CDH20: variants seen among roughly 807,000 people sequenced by gnomAD.
The protein encoded by CDH20 is cadherin 20.
Under a neutral mutation model 74.2 loss-of-function variants are expected in CDH20, and 29 were observed. The observed-to-expected ratio is 0.39, with a 90% CI of 0.29 to 0.53. The LOEUF is 0.53. Ranked by LOEUF, CDH20 falls within the 20% of genes least tolerant of loss-of-function variation. The pLI is 0.69. For synonymous variants in CDH20, 469 were observed against 405.4 expected, an observed-to-expected ratio of 1.16 and a Z score of -1.88; for missense variants, 988 against 1,048.3, an observed-to-expected ratio of 0.94 and a Z score of 0.79.
chr18:61,542,165 T>C (rs1913064768), intron 9 of CDH20, among the ~76,000 whole-genome samples: 1 of 152,208 alleles, frequency 6.6e-6, no homozygotes, highest in Admixed American at 6.5e-5. Context: ...TCTCTATGTG[T>C]TTGGCACTAC....
intron 1 of CDH20, among the ~76,000 whole-genome samples, chr18:61,413,327 A>G (rs184383582): frequency 7.6e-6 from 1 of 132,444 alleles, no homozygotes; most frequent in Admixed American, 8.3e-5. Flanking sequence ...TGGCCTTGGA[A>G]TGCAATCATT....
intron 10 of CDH20, 82 bp downstream of exon 10, chr18:61,545,226 G>T (rs1173397680): frequency 2.3e-6 from 2 of 854,680 alleles, no homozygotes; most frequent in Non-Finnish European, 4.1e-6. Flanking sequence ...TGCAAACAGT[G>T]TCAAAGGCTA....
chr18:61,537,359 C>T (rs749179485), intron 8 of CDH20, among the ~76,000 whole-genome samples: 1 of 151,874 alleles, frequency 6.6e-6, no homozygotes, highest in Non-Finnish European at 1.5e-5. Flanking sequence ...TTACAGATAT[C>T]AACAAAGATT....
intron 11 of CDH20, among the ~76,000 whole-genome samples, chr18:61,550,444 A>C (rs1379302561): frequency 6.6e-6 from 1 of 152,246 alleles, no homozygotes; most frequent in South Asian, 2.1e-4. Flanking sequence ...ATATACTTAT[A>C]AAGTATCTAC....
At chr18:61,552,761 T>C (rs1474816698) in intron 11 of CDH20, among the ~76,000 whole-genome samples, 2 of 152,236 alleles carry the variant, frequency 1.3e-5, no homozygotes, top group African/African-American at 2.4e-5. Context: ...TGTTTCCCCA[T>C]TGCTTAGCAT....
At chr18:61,469,401 ACACC>A (rs1181422609) in intron 1 of CDH20, among the ~76,000 whole-genome samples, 2 of 143,330 alleles carry the variant, frequency 1.4e-5, no homozygotes, top group East Asian at 2.1e-4. Context: ...ACACACACAC[ACACC>A]CCTATATAAA....
At chr18:61,404,332 T>C (rs896508438) in intron 1 of CDH20, among the ~76,000 whole-genome samples, 3 of 152,192 alleles carry the variant, frequency 2.0e-5, no homozygotes, top group Non-Finnish European at 4.4e-5. Flanking sequence ...TAAAAACAGA[T>C]AGGCGTATTT....
chr18:61,434,256 C>T (rs554701221), intron 1 of CDH20, among the ~76,000 whole-genome samples: 1 of 152,204 alleles, frequency 6.6e-6, no homozygotes, highest in South Asian at 2.1e-4. Context: ...CACGATGGGG[C>T]CAACTAGCAT....
chr18:61,419,304 C>A (rs1322422465), intron 1 of CDH20, among the ~76,000 whole-genome samples: 3 of 152,154 alleles, frequency 2.0e-5, no homozygotes, highest in African/African-American at 7.2e-5. Context: ...TGGCCTCAAG[C>A]AATCCTACTG....
At chr18:61,433,812 G>A (rs575411211) in intron 1 of CDH20, among the ~76,000 whole-genome samples, 8 of 152,270 alleles carry the variant, frequency 5.3e-5, no homozygotes, top group Admixed American at 4.6e-4. Flanking sequence ...TTCAAGAGCA[G>A]GATTTTGGCT....
At chr18:61,384,992 T>A (rs1280696478) in intron 1 of CDH20, among the ~76,000 whole-genome samples, 1 of 152,152 alleles carries the variant, frequency 6.6e-6, no homozygotes, top group East Asian at 1.9e-4. Flanking sequence ...AGATGCATTA[T>A]CTCCTTTTAC....
intron 6 of CDH20, among the ~76,000 whole-genome samples, chr18:61,518,650 A>G (rs1489604814): frequency 2.6e-5 from 4 of 151,402 alleles, no homozygotes; most frequent in Non-Finnish European, 5.9e-5. Flanking sequence ...AGATAAATCC[A>G]TGAAGATGAG....
intron 1 of CDH20, among the ~76,000 whole-genome samples, chr18:61,355,033 A>G (rs374764270): frequency 3.2e-4 from 49 of 152,314 alleles, no homozygotes; most frequent in African/African-American, 1.1e-3. Context: ...ATTGCACTCC[A>G]CCCTTAGAAG....
rs551265370 is a variant in CDH20, at chr18:61,490,471, CTG to C, written c.-79_-78del. 376 of 1,386,480 alleles carry C rather than the reference CTG, an allele frequency of 2.7e-4. No individual in the cohort carries two copies. The East Asian group carries it at 7.0e-3, about 26-fold the overall frequency. The allele number at this position is 1,386,480 out of a possible 1,614,324, so 85.9% of individuals were successfully genotyped here. ...GGAAGCATAAGTGTCCAATCAAAAA[CTG>C]TGTATTTTTTTAAATTTGGAAAATA... On this transcript the variant is annotated 5_prime_UTR_variant, in exon 2 of 12. Transcript: ENST00000262717.
intron 1 of CDH20, among the ~76,000 whole-genome samples, chr18:61,341,343 T>C (rs1280251130): frequency 6.6e-6 from 1 of 152,104 alleles, no homozygotes; most frequent in Non-Finnish European, 1.5e-5. Flanking sequence ...GAGAGCTGCC[T>C]GGGGTCCCCC....
At chr18:61,471,497 T>C (rs968812907) in intron 1 of CDH20, among the ~76,000 whole-genome samples, 4 of 152,216 alleles carry the variant, frequency 2.6e-5, no homozygotes, top group African/African-American at 9.6e-5. Context: ...TCTTTAGTCA[T>C]AATGGAACTG....
intron 1 of CDH20, among the ~76,000 whole-genome samples, chr18:61,377,053 T>C (rs1399726512): frequency 6.6e-6 from 1 of 152,174 alleles, no homozygotes. Context: ...GCAGCTCTGC[T>C]CCATGAGGTC....
At chr18:61,540,277 G>A (rs752740950) in intron 9 of CDH20, among the ~76,000 whole-genome samples, 3 of 152,146 alleles carry the variant, frequency 2.0e-5, no homozygotes, top group African/African-American at 4.8e-5. Flanking sequence ...CTGGGGAAGC[G>A]CATATTGATA....
chr18:61,469,579 G>A (rs1910091095), intron 1 of CDH20, among the ~76,000 whole-genome samples: 1 of 152,174 alleles, frequency 6.6e-6, no homozygotes, highest in South Asian at 2.1e-4. Flanking sequence ...AACCTTGGTT[G>A]TGTATGTGAC....
Sources: allele counts gnomAD v4.1 joint callset (sites outside exome capture counted in the v4.1 genomes callset), GRCh38; gene constraint gnomAD v4.1.1; transcripts MANE v1.5; gene names NCBI Gene and HGNC (gene_info 2026-07-23, HGNC 2026-07-21).